MGAT4A: variants seen among roughly 807,000 people sequenced by gnomAD.
MGAT4A encodes the protein alpha-1,3-mannosyl-glycoprotein 4-beta-N-acetylglucosaminyltransferase A, also known as N-acetylglucosaminyltransferase IVa.
Under a neutral mutation model 74.1 loss-of-function variants are expected in MGAT4A, and 33 were observed. That is an observed-to-expected ratio of 0.45 (90% CI 0.34 to 0.60). The LOEUF is 0.60. Ranked by LOEUF, MGAT4A falls within the 20% of genes least tolerant of loss-of-function variation. MGAT4A has a pLI of 0.02. For missense variants in MGAT4A, 479 were observed against 628.3 expected, an observed-to-expected ratio of 0.76 and a Z score of 2.54; for synonymous variants, 198 against 210.4, an observed-to-expected ratio of 0.94 and a Z score of 0.51.
chr2:98,665,887 A>G (rs1229809282), intron 4 of MGAT4A, among the ~76,000 whole-genome samples: 1 of 152,254 alleles, frequency 6.6e-6, no homozygotes, highest in Non-Finnish European at 1.5e-5. Flanking sequence ...GACATAGTCA[A>G]GAAATACCAA....
intron 6 of MGAT4A, among the ~76,000 whole-genome samples, chr2:98,657,028 G>A (rs1006003053): frequency 2.0e-5 from 3 of 152,238 alleles, no homozygotes; most frequent in South Asian, 2.1e-4. Context: ...TACTACTGAC[G>A]CCTAGTGGGT....
In MGAT4A at chr2:98,675,130, A is replaced by C. The variant is rs778081369; in HGVS notation, c.308T>G (p.Leu103Arg). The change falls in exon 4 of 16, where the codon CTT becomes CGT. Residue 103 changes from leucine (L) to arginine (R), a missense_variant. Physicochemically the swap from Leu to Arg is moderately radical, Grantham distance 102. Coordinates refer to ENST00000393487, the MANE Select transcript of MGAT4A (RefSeq NM_012214.3). ...ATGATAATAAATACTTGGCACTTGA[A>C]GAGATTTTTTGCTTGTTAACTCCTT... ...LLKELTSKKS[L>R]QVPSIYYHLP... is the part of the protein sequence containing the mutation. The C allele has an allele frequency of 4.3e-6, 7 of 1,612,088 alleles. No individual in the cohort carries two copies. In the East Asian group the frequency reaches 8.9e-5, roughly 21 times the overall value.
At chr2:98,717,567 C>T (rs756296397) in intron 2 of MGAT4A, among the ~76,000 whole-genome samples, 16 of 151,974 alleles carry the variant, frequency 1.1e-4, no homozygotes, top group Non-Finnish European at 1.8e-4. Flanking sequence ...CTTTTGGTTT[C>T]GAAAATTATA....
intron 4 of MGAT4A, among the ~76,000 whole-genome samples, chr2:98,667,765 G>C (rs1191192907): frequency 6.6e-6 from 1 of 152,020 alleles, no homozygotes; most frequent in Admixed American, 6.6e-5. Context: ...TGTGGCCCAG[G>C]CTGGAGTGCA....
At chr2:98,713,185 CAAAA>C (rs139508612) in intron 2 of MGAT4A, among the ~76,000 whole-genome samples, 19 of 54,226 alleles carry the variant, frequency 3.5e-4, no homozygotes, top group South Asian at 8.8e-4. Flanking sequence ...GATCATGTCT[CAAAA>C]AAAAAAAAAA....
chr2:98,717,455 G>A (rs1702608306), intron 2 of MGAT4A, among the ~76,000 whole-genome samples: 1 of 152,030 alleles, frequency 6.6e-6, no homozygotes, highest in Non-Finnish European at 1.5e-5. Context: ...ACGCACCATG[G>A]GATCCTAGAT....
chr2:98,656,975 T>C (rs916652989), intron 6 of MGAT4A, among the ~76,000 whole-genome samples: 1 of 152,182 alleles, frequency 6.6e-6, no homozygotes, highest in Non-Finnish European at 1.5e-5. Flanking sequence ...GGAAGACATT[T>C]AGCAATGTCT....
rs868125117 is a variant in MGAT4A at position 98,624,745 on chromosome 2, T to C, written c.*821A>G. 2.6e-5 allele frequency: 26 copies of C among 983,732 alleles called. 1 individual carries two copies. The South Asian group carries it at 1.2e-3, about 46-fold the overall frequency. 60.9% of individuals were successfully genotyped at this position (983,732 alleles called of 1,614,324 possible). A position where few individuals can be genotyped will look rare whatever the true frequency, so the allele number is the denominator to read the frequency against. ...TAAGTTAAGTCTACAATAATCTGGGTTGAATGCATCACACTTACACATTGA... is the reference window on the plus strand; with the variant it reads ...TAAGTTAAGTCTACAATAATCTGGGCTGAATGCATCACACTTACACATTGA... On this transcript the variant is annotated 3_prime_UTR_variant, in exon 16 of 16. Coordinates refer to ENST00000393487, the MANE Select transcript of MGAT4A (RefSeq NM_012214.3).
chr2:98,624,953 T>C lies in MGAT4A; in HGVS notation c.*613A>G. On this transcript the variant is annotated 3_prime_UTR_variant, in exon 16 of 16. Coordinates refer to ENST00000393487, the MANE Select transcript of MGAT4A (RefSeq NM_012214.3). ...TTAAGAAATCCATCTATAATCAATC[T>C]TAAATGGCAGTGCATTTGAAAAATG... 2.0e-6 allele frequency: 2 copies of C among 985,414 alleles called. No homozygotes were observed. Among genetic ancestry groups the C allele is most frequent in the Non-Finnish European group, 2.4e-6 (2 of 829,528 alleles). 61.0% of individuals were successfully genotyped at this position (985,414 alleles called of 1,614,324 possible).
chr2:98,702,531 T>C (rs1702368303), intron 2 of MGAT4A, among the ~76,000 whole-genome samples: 1 of 152,190 alleles, frequency 6.6e-6, no homozygotes, highest in African/African-American at 2.4e-5. Context: ...ACACCACCCA[T>C]GCACACCTGG....
At chr2:98,726,197 C>T (rs962751691) in intron 2 of MGAT4A, 42 bp downstream of exon 2, 1 of 1,543,036 alleles carries the variant, frequency 6.5e-7, no homozygotes, top group African/African-American at 1.4e-5. Context: ...AAGCAAAAAC[C>T]CTAGTACATT....
chr2:98,652,762 T>G (rs1701600979), intron 8 of MGAT4A, among the ~76,000 whole-genome samples: 1 of 152,130 alleles, frequency 6.6e-6, no homozygotes, highest in South Asian at 2.1e-4. Flanking sequence ...ACTACTGGTA[T>G]GCACCACCAT....
intron 9 of MGAT4A, 87 bp downstream of exon 9, chr2:98,645,339 GAC>G: frequency 1.0e-6 from 1 of 953,318 alleles, no homozygotes; most frequent in Non-Finnish European, 1.5e-6. Context: ...AGGAAAAAAA[GAC>G]ATCTTTAGGA....
intron 5 of MGAT4A, among the ~76,000 whole-genome samples, chr2:98,660,419 CA>C (rs1280612822): frequency 0.056 from 66 of 1,186 alleles, 1 homozygote; most frequent in African/African-American, 0.25. Context: ...CACGCACGCG[CA>C]CACACACACA....
intron 7 of MGAT4A, 158 bp downstream of exon 7, chr2:98,656,194 T>C: frequency 1.7e-6 from 1 of 582,418 alleles, no homozygotes; most frequent in African/African-American, 1.9e-5. Context: ...CTAAGAAAAC[T>C]CTACATTATT....
At chr2:98,724,588 C>T (rs528848226) in intron 2 of MGAT4A, among the ~76,000 whole-genome samples, 1 of 152,286 alleles carries the variant, frequency 6.6e-6, no homozygotes, top group African/African-American at 2.4e-5. Context: ...GCATCTAACA[C>T]TGCGTGGAGA....
At chr2:98,660,402 A>G (rs1187485361) in intron 5 of MGAT4A, among the ~76,000 whole-genome samples, 3 of 142,202 alleles carry the variant, frequency 2.1e-5, no homozygotes, top group African/African-American at 8.1e-5. Context: ...CCACACACAC[A>G]CACACACACG....
In MGAT4A at chr2:98,636,568, T is replaced by C. The variant is rs906735380; in HGVS notation, c.1350A>G (p.Glu450=). ...ESYLFHSGNQ[E]HPGDILLNTT... ...TGTTTAGCAGAATATCTCCAGGATGTTCTTGGTTGCCGCTATGGAACAAAT... is the reference window on the plus strand; with the variant it reads ...TGTTTAGCAGAATATCTCCAGGATGCTCTTGGTTGCCGCTATGGAACAAAT... The change falls in exon 13 of 16, where the codon GAA becomes GAG. Residue 450 remains glutamate, a synonymous_variant. Transcript: ENST00000393487. The C allele has an allele frequency of 5.6e-6, 9 of 1,613,832 alleles. No homozygotes were observed. The highest frequency in any genetic ancestry group is 3.3e-5 in the Admixed American group (2 of 60,012).
At chr2:98,726,602 G>A (rs1346133317) in intron 1 of MGAT4A, 35 bp from the exon 2 acceptor site, 7 of 394,666 alleles carry the variant, frequency 1.8e-5, no homozygotes, top group African/African-American at 6.1e-5. Flanking sequence ...AAGCTCATTC[G>A]GTAATGCAAA....
Sources: gnomAD v4.1 joint callset for allele counts (sites outside exome capture counted in the v4.1 genomes callset) on GRCh38, gnomAD v4.1.1 for gene constraint, MANE v1.5 for transcripts, NCBI Gene and HGNC (gene_info 2026-07-23, HGNC 2026-07-21) for gene names.